OPCML: variants seen among roughly 807,000 people sequenced by gnomAD.
OPCML encodes opioid-binding protein/cell adhesion molecule.
OPCML carries 13 observed loss-of-function variants against 37.8 expected under a neutral mutation model. The observed-to-expected ratio is 0.34, with a 90% CI of 0.22 to 0.55. The LOEUF is 0.55. OPCML is among the 20% of genes least tolerant of loss of function. OPCML has a pLI of 0.91. For missense variants in OPCML, 341 were observed against 435.6 expected, an observed-to-expected ratio of 0.78 and a Z score of 1.93; for synonymous variants, 176 against 168.8, an observed-to-expected ratio of 1.04 and a Z score of -0.33.
chr11:132,819,903 G>A (rs577641753), intron 2 of OPCML, among the ~76,000 whole-genome samples: 5 of 152,264 alleles, frequency 3.3e-5, no homozygotes, highest in South Asian at 2.1e-4. Context: ...GTCAGAATGC[G>A]GCAGGGCTTC....
At chr11:132,547,569 T>C (rs2096371570) in intron 3 of OPCML, among the ~76,000 whole-genome samples, 1 of 152,150 alleles carries the variant, frequency 6.6e-6, no homozygotes, top group Admixed American at 6.5e-5. Flanking sequence ...AACTTACAAA[T>C]CTCACTCCAA....
intron 1 of OPCML, among the ~76,000 whole-genome samples, chr11:133,002,249 A>G (rs963380696): frequency 1.3e-5 from 2 of 152,218 alleles, no homozygotes; most frequent in Non-Finnish European, 2.9e-5. Context: ...TCCCAGTTTG[A>G]TGGCTAAGGA....
intron 1 of OPCML, among the ~76,000 whole-genome samples, chr11:132,961,806 C>T (rs80265869): frequency 0.017 from 2,651 of 152,298 alleles, 87 homozygotes; most frequent in African/African-American, 0.06. Flanking sequence ...ATTTCCATCT[C>T]TCTCTGCATT....
intron 4 of OPCML, among the ~76,000 whole-genome samples, chr11:132,519,358 GCA>G (rs1390191810): frequency 6.6e-6 from 1 of 152,086 alleles, no homozygotes; most frequent in African/African-American, 2.4e-5. Context: ...GCCATCAGCT[GCA>G]CAGTGACGCT....
At chr11:132,681,034 G>A (rs962393912) in intron 2 of OPCML, among the ~76,000 whole-genome samples, 3 of 152,210 alleles carry the variant, frequency 2.0e-5, no homozygotes, top group South Asian at 2.1e-4. Context: ...GCTGGCAGGC[G>A]GGGGTTGCCT....
chr11:133,151,009 T>C (rs530445866), intron 1 of OPCML, among the ~76,000 whole-genome samples: 1 of 151,930 alleles, frequency 6.6e-6, no homozygotes, highest in Admixed American at 6.6e-5. Flanking sequence ...GTGCGGTGGC[T>C]CATGCCTGTA....
At chr11:132,637,737 G>T (rs1042099572) in intron 3 of OPCML, among the ~76,000 whole-genome samples, 2 of 152,086 alleles carry the variant, frequency 1.3e-5, no homozygotes, top group Admixed American at 1.3e-4. Flanking sequence ...TTCCAGGCAG[G>T]TATTAGAACC....
intron 2 of OPCML, among the ~76,000 whole-genome samples, chr11:132,670,620 G>A (rs2135815160): frequency 6.6e-6 from 1 of 152,148 alleles, no homozygotes; most frequent in South Asian, 2.1e-4. Context: ...TCCAGTCACA[G>A]GTCTATAATT....
intron 1 of OPCML, among the ~76,000 whole-genome samples, chr11:132,977,897 T>C (rs956959108): frequency 1.3e-5 from 2 of 152,168 alleles, no homozygotes; most frequent in African/African-American, 4.8e-5. Context: ...ATTGGAGAGA[T>C]AAGATCTGCA....
intron 1 of OPCML, among the ~76,000 whole-genome samples, chr11:133,438,563 T>C (rs1248636958): frequency 1.3e-5 from 2 of 152,294 alleles, no homozygotes; most frequent in East Asian, 3.9e-4. Flanking sequence ...GAAAAATGAA[T>C]GCTAGGTATG....
chr11:133,178,823 C>A (rs998595768), intron 1 of OPCML, among the ~76,000 whole-genome samples: 4 of 152,114 alleles, frequency 2.6e-5, no homozygotes, highest in Non-Finnish European at 5.9e-5. Context: ...TGCTCAAATT[C>A]CAAAATGAGA....
intron 1 of OPCML, among the ~76,000 whole-genome samples, chr11:133,157,838 T>C (rs1265567375): frequency 6.6e-6 from 1 of 152,108 alleles, no homozygotes; most frequent in East Asian, 1.9e-4. Context: ...CCATACTACC[T>C]CCTCTTCTGC....
At chr11:132,846,779 A>AG (rs1208513732) in intron 2 of OPCML, among the ~76,000 whole-genome samples, 1 of 152,192 alleles carries the variant, frequency 6.6e-6, no homozygotes, top group Non-Finnish European at 1.5e-5. Flanking sequence ...CAATTTTGTA[A>AG]ACTTCTAGTG....
chr11:133,082,368 C>A (rs894604648), intron 1 of OPCML, among the ~76,000 whole-genome samples: 1 of 143,388 alleles, frequency 7.0e-6, no homozygotes, highest in African/African-American at 2.6e-5. Context: ...CTGCGCCGTC[C>A]CCTCCCCACC....
intron 3 of OPCML, among the ~76,000 whole-genome samples, chr11:132,618,400 G>A (rs1313276022): frequency 1.3e-5 from 2 of 152,126 alleles, no homozygotes; most frequent in South Asian, 2.1e-4. Flanking sequence ...CTACTCAGGA[G>A]GCTCTGGAAG....
intron 2 of OPCML, among the ~76,000 whole-genome samples, chr11:132,776,088 C>A (rs1341971831): frequency 6.6e-6 from 1 of 152,102 alleles, no homozygotes; most frequent in Non-Finnish European, 1.5e-5. Context: ...CCTCACCATG[C>A]CTGGCTAAGT....
At chr11:133,403,031 C>T (rs1176952974) in intron 1 of OPCML, among the ~76,000 whole-genome samples, 1 of 152,162 alleles carries the variant, frequency 6.6e-6, no homozygotes, top group African/African-American at 2.4e-5. Context: ...TGCTGGCTTG[C>T]CTTCTTTACC....
At chr11:132,956,784 T>C (rs777681553) in intron 1 of OPCML, among the ~76,000 whole-genome samples, 2 of 152,136 alleles carry the variant, frequency 1.3e-5, no homozygotes, top group African/African-American at 2.4e-5. Flanking sequence ...CCAGCAACTC[T>C]AGTTTCCTGT....
chr11:133,458,607 G>GTA (rs1307717342), intron 1 of OPCML, among the ~76,000 whole-genome samples: 1 of 69,922 alleles, frequency 1.4e-5, no homozygotes, highest in Admixed American at 1.4e-4. Flanking sequence ...GTGTGTGTGT[G>GTA]TATACACATA....
Sources: gnomAD v4.1 joint callset for allele counts (sites outside exome capture counted in the v4.1 genomes callset) on GRCh38, gnomAD v4.1.1 for gene constraint, MANE v1.5 for transcripts, NCBI Gene and HGNC (gene_info 2026-07-23, HGNC 2026-07-21) for gene names.